The following CFL2 variants were observed in gnomAD, a reference collection of about 807,000 sequenced individuals.
The protein encoded by CFL2 is cofilin 2.
In CFL2, 10 loss-of-function variants were observed where a neutral mutation model predicts 19.6. That is an observed-to-expected ratio of 0.51 (90% CI 0.31 to 0.86). CFL2 has a LOEUF of 0.86. CFL2 is among the 40% of genes least tolerant of loss of function. The probability of loss-of-function intolerance (pLI) is 0.04; values close to 1 mark genes in which losing one functional copy is unlikely to be tolerated. For missense variants in CFL2, 125 were observed against 192.1 expected, an observed-to-expected ratio of 0.65 and a Z score of 2.06; for synonymous variants, 63 against 66.7, an observed-to-expected ratio of 0.95 and a Z score of 0.27.
Position 34,709,593 on chromosome 14 carries a change from G to T in CFL2, c.*3272C>A, listed in dbSNP as rs1166420569. 1 of 145,582 alleles carries T rather than the reference G, an allele frequency of 6.9e-6. No homozygotes were observed. Among genetic ancestry groups the T allele is most frequent in the Non-Finnish European group, 1.5e-5 (1 of 67,032 alleles). 9.0% of individuals were successfully genotyped at this position (145,582 alleles called of 1,614,324 possible). A position where few individuals can be genotyped will look rare whatever the true frequency, so the allele number is the denominator to read the frequency against. On this transcript the variant is annotated 3_prime_UTR_variant, in exon 4 of 4. Coordinates refer to ENST00000298159, the MANE Select transcript of CFL2 (RefSeq NM_138638.5). ...AGTTGGAGATCAGCCTAGGCAACAT[G>T]GCCAAACTCAGTCTCTACAAAAGAG...
At position 34,711,610 on chromosome 14, in the gene CFL2, A is replaced by AT. The variant is rs1254771211; in HGVS notation, c.*1254dup. The AT allele has an allele frequency of 2.2e-6, 1 of 453,142 alleles. No homozygotes were observed. Among genetic ancestry groups the AT allele is most frequent in the Admixed American group, 2.4e-5 (1 of 42,328 alleles). 28.1% of individuals were successfully genotyped at this position (453,142 alleles called of 1,614,324 possible). A position where few individuals can be genotyped will look rare whatever the true frequency, so the allele number is the denominator to read the frequency against. On this transcript the variant is annotated 3_prime_UTR_variant, in exon 4 of 4. Transcript: ENST00000298159. Reference sequence around the variant, plus strand: ...TATTTTCATTACGACCAAATAAGCAATAAGAGCTTCCTGCTTCTACTATAC... The same window carrying AT: ...TATTTTCATTACGACCAAATAAGCAATTAAGAGCTTCCTGCTTCTACTATAC...
At position 34,713,367 on chromosome 14, in the gene CFL2, G is replaced by A. The variant is rs75685384; in HGVS notation, c.198C>T (p.Asp66=). The change falls in exon 2 of 4, where the codon GAC becomes GAT. Residue 66 remains aspartate (D), a synonymous_variant. Transcript: ENST00000298159. Reference sequence around the variant, plus strand: ...GCAACTTCACAAAAGATGTGTAGGGGTCCTCTACAGTATCACCAATGTCAC... The same window carrying A: ...GCAACTTCACAAAAGATGTGTAGGGATCCTCTACAGTATCACCAATGTCAC... The part of the protein sequence containing the change: ...LVGDIGDTVE[D]PYTSFVKLLP... 1.0e-4 allele frequency: 162 copies of A among 1,613,830 alleles called. 1 individual carries two copies. In the East Asian group the frequency reaches 3.5e-3, roughly 34 times the overall value.
At chr14:34,713,183 AAG>A in intron 2 of CFL2, 47 bp from the exon 3 acceptor site, 1 of 1,566,798 alleles carries the variant, frequency 6.4e-7, no homozygotes. Flanking sequence ...AAGAAAAACA[AAG>A]GTAAGACTGA....
chr14:34,710,429 C>A lies in CFL2; in HGVS notation c.*2436G>T. 2.5e-6 allele frequency: 1 copy of A among 394,706 alleles called. No individual in the cohort carries two copies. The allele number at this position is 394,706 out of a possible 1,614,324, so 24.5% of individuals were successfully genotyped here. ...TAATGTTCTGAAGTATAAGTAAACA[C>A]ATCTCAACAGCTTTACATATTTTCA... On this transcript the variant is annotated 3_prime_UTR_variant, in exon 4 of 4. Coordinates refer to ENST00000298159, the MANE Select transcript of CFL2 (RefSeq NM_138638.5).
At position 34,713,062 on chromosome 14, in the gene CFL2, G is replaced by A; in HGVS notation, c.386C>T (p.Thr129Ile). ...GCCCCAAATATTCAAGTTTGTACCTGTAAATTTCTTTTTAATGGCATCTTT... is the reference window on the plus strand; with the variant it reads ...GCCCCAAATATTCAAGTTTGTACCTATAAATTTCTTTTTAATGGCATCTTT... ...SSKDAIKKKF[T>I]GIKHEWQVNG... is the part of the protein sequence containing the mutation. The change falls in exon 3 of 4, where the codon ACA becomes ATA. Residue 129 changes from threonine to isoleucine, a missense_variant and splice_region_variant. Thr to Ile is a moderately conservative substitution (Grantham distance 89, BLOSUM62 -1). Transcript: ENST00000298159. The A allele has an allele frequency of 6.3e-7, 1 of 1,580,542 alleles. No homozygotes were observed. The highest frequency in any genetic ancestry group is 8.6e-7 in the Non-Finnish European group (1 of 1,162,672).
chr14:34,713,290 T>C lies in CFL2; in HGVS notation c.275A>G (p.Lys92Arg), dbSNP rs1885378630. 1 of 1,613,328 alleles carries C rather than the reference T, an allele frequency of 6.2e-7. No individual in the cohort carries two copies. The highest frequency in any genetic ancestry group is 8.5e-7 in the Non-Finnish European group (1 of 1,179,812). The change falls in exon 2 of 4, where the codon AAA becomes AGA. Residue 92 changes from lysine to arginine, a missense_variant. Physicochemically the swap from Lys to Arg is conservative, Grantham distance 26. Transcript: ENST00000298159. ...YALYDATYET[K>R]ESKKEDLVFI... ...TACTAGGTCTTCTTTCTTAGACTCT[T>C]TTGTTTCGTATGTGGCATCGTACAA... is the stretch of plus-strand genomic sequence containing the variant.
rs946505251 is a variant in CFL2, at chr14:34,711,273, A to T, written c.*1592T>A. The stretch of plus-strand genomic sequence containing the variant: ...TCTGAGCCACGACTGACTGCTTACT[A>T]GCATGCCTGTTTTGCATACCAGTAG... On this transcript the variant is annotated 3_prime_UTR_variant, in exon 4 of 4. Coordinates refer to ENST00000298159, the MANE Select transcript of CFL2 (RefSeq NM_138638.5). 1 of 454,412 alleles carries T rather than the reference A, an allele frequency of 2.2e-6. No individual in the cohort carries two copies. Among genetic ancestry groups the T allele is most frequent in the Admixed American group, 2.4e-5 (1 of 42,542 alleles). The allele number at this position is 454,412 out of a possible 1,614,324, so 28.1% of individuals were successfully genotyped here. A position where few individuals can be genotyped will look rare whatever the true frequency, so the allele number is the denominator to read the frequency against.
intron 1 of CFL2, 158 bp from the exon 2 acceptor site, chr14:34,713,719 G>A: frequency 1.2e-6 from 2 of 1,612,354 alleles, no homozygotes; most frequent in Non-Finnish European, 1.7e-6. Context: ...AGAATCAGTA[G>A]ACGATACAGC....
In CFL2 at chr14:34,709,787, C is replaced by CAA. The variant is rs71453649; in HGVS notation, c.*3076_*3077dup. ...TGGGCAACAGAGTGAGACCCTGTCT[C>CAA]AAAAAAAAAAAAAAAAAAAGGCAAC... is the stretch of plus-strand genomic sequence containing the variant. On this transcript the variant is annotated 3_prime_UTR_variant, in exon 4 of 4. Coordinates refer to ENST00000298159, the MANE Select transcript of CFL2 (RefSeq NM_138638.5). 15 of 69,518 alleles carry CAA rather than the reference C, an allele frequency of 2.2e-4. 1 individual carries two copies. The highest frequency in any genetic ancestry group is 7.7e-4 in the East Asian group (2 of 2,586). The allele number at this position is 69,518 out of a possible 1,614,324, so 4.3% of individuals were successfully genotyped here. A position where few individuals can be genotyped will look rare whatever the true frequency, so the allele number is the denominator to read the frequency against.
rs1594784357 is a variant in CFL2, at chr14:34,712,948, A to G, written c.418T>C (p.Leu140=). Residue 140 remains leucine (L), a synonymous_variant, in exon 4 of 4, where the codon TTG becomes CTG. Transcript: ENST00000298159. ...GIKHEWQVNG[L]DDIKDRSTLG... is the part of the protein sequence containing the mutation. ...GTCGAACGGTCCTTAATATCATCCA[A>G]GCCATTTACTTGCCACTCATGTTTA... is the stretch of plus-strand genomic sequence containing the variant. 6.2e-7 allele frequency: 1 copy of G among 1,610,974 alleles called. No individual in the cohort carries two copies. The highest frequency in any genetic ancestry group is 8.5e-7 in the Non-Finnish European group (1 of 1,177,112).
Position 34,709,787 on chromosome 14 carries a change from CAAAAAAAA to C in CFL2, c.*3070_*3077del. The C allele has an allele frequency of 1.5e-5, 1 of 66,384 alleles. No individual in the cohort carries two copies. Among genetic ancestry groups the C allele is most frequent in the Non-Finnish European group, 2.7e-5 (1 of 37,624 alleles). 4.1% of individuals were successfully genotyped at this position (66,384 alleles called of 1,614,324 possible). A position where few individuals can be genotyped will look rare whatever the true frequency, so the allele number is the denominator to read the frequency against. ...TGGGCAACAGAGTGAGACCCTGTCTCAAAAAAAAAAAAAAAAAAAGGCAACATTTACTG... is the reference window on the plus strand; with the variant it reads ...TGGGCAACAGAGTGAGACCCTGTCTCAAAAAAAAAAAGGCAACATTTACTG... On this transcript the variant is annotated 3_prime_UTR_variant, in exon 4 of 4. Coordinates refer to ENST00000298159, the MANE Select transcript of CFL2 (RefSeq NM_138638.5).
rs747686516 is a variant in CFL2, at chr14:34,713,055, T to C, written c.388+5A>G. 6.3e-7 allele frequency: 1 copy of C among 1,577,652 alleles called. No homozygotes were observed. The highest frequency in any genetic ancestry group is 8.6e-7 in the Non-Finnish European group (1 of 1,160,294). On this transcript the variant is annotated splice_donor_5th_base_variant and intron_variant, in intron 3 of 3. Coordinates refer to ENST00000298159, the MANE Select transcript of CFL2 (RefSeq NM_138638.5). ...TTTCTCTGCCCCAAATATTCAAGTT[T>C]GTACCTGTAAATTTCTTTTTAATGG... is the stretch of plus-strand genomic sequence containing the variant.
Position 34,712,058 on chromosome 14 carries a change from T to C in CFL2, c.*807A>G, listed in dbSNP as rs916522992. ...TGCAACGTGGCCATTTTTGTGAGGGTGGGGAGTTTGATCTCAAAACAATGT... is the reference window on the plus strand; with the variant it reads ...TGCAACGTGGCCATTTTTGTGAGGGCGGGGAGTTTGATCTCAAAACAATGT... On this transcript the variant is annotated 3_prime_UTR_variant, in exon 4 of 4. Transcript: ENST00000298159. 4.4e-6 allele frequency: 2 copies of C among 454,462 alleles called. No homozygotes were observed. The highest frequency in any genetic ancestry group is 8.8e-6 in the Non-Finnish European group (2 of 226,748). The allele number at this position is 454,462 out of a possible 1,614,324, so 28.2% of individuals were successfully genotyped here. A position where few individuals can be genotyped will look rare whatever the true frequency, so the allele number is the denominator to read the frequency against.
Position 34,710,656 on chromosome 14 carries a change from T to A in CFL2, c.*2209A>T, listed in dbSNP as rs1236116432. 3 of 442,500 alleles carry A rather than the reference T, an allele frequency of 6.8e-6. No homozygotes were observed. The highest frequency in any genetic ancestry group is 5.0e-5 in the Admixed American group (2 of 39,718). 27.4% of individuals were successfully genotyped at this position (442,500 alleles called of 1,614,324 possible). ...GAACTATTATTAATTTTATCTCTTT[T>A]TTTGGCTCTACGCACAAAGATGTAT... On this transcript the variant is annotated 3_prime_UTR_variant, in exon 4 of 4. Transcript: ENST00000298159.
At chr14:34,714,477 G>T in intron 1 of CFL2, 61 bp downstream of exon 1, 1 of 1,532,378 alleles carries the variant, frequency 6.5e-7, no homozygotes, top group East Asian at 2.6e-5. Context: ...CTCACTCCCG[G>T]GGCCGTGCGG....
intron 1 of CFL2, chr14:34,714,080 A>C (rs1885412435): frequency 2.6e-6 from 1 of 385,626 alleles, no homozygotes; most frequent in Admixed American, 4.2e-5. Flanking sequence ...CGAGTGTAAA[A>C]GCTTTTACGG....
At chr14:34,714,490 G>C in intron 1 of CFL2, 48 bp downstream of exon 1, 1 of 1,549,856 alleles carries the variant, frequency 6.5e-7, no homozygotes, top group South Asian at 1.2e-5. Context: ...CCGTGCGGGG[G>C]GCTTTTCTCG....
At chr14:34,713,671 T>G in intron 1 of CFL2, 110 bp from the exon 2 acceptor site, 1 of 1,613,390 alleles carries the variant, frequency 6.2e-7, no homozygotes, top group Non-Finnish European at 8.5e-7. Context: ...AATTGCACCG[T>G]ACCATGTAAG....
Position 34,709,113 on chromosome 14 carries a change from T to C in CFL2, c.*3752A>G, listed in dbSNP as rs1034410441. 7.9e-5 allele frequency: 12 copies of C among 152,018 alleles called. No individual in the cohort carries two copies. Among genetic ancestry groups the C allele is most frequent in the Non-Finnish European group, 1.5e-4 (10 of 68,012 alleles). 9.4% of individuals were successfully genotyped at this position (152,018 alleles called of 1,614,324 possible). On this transcript the variant is annotated 3_prime_UTR_variant, in exon 4 of 4. Coordinates refer to ENST00000298159, the MANE Select transcript of CFL2 (RefSeq NM_138638.5). ...AAAATAGAGGTTCAATGATCTGTAA[T>C]ACATCTTTTAACAAAAACATTTAAT...
Sources: gnomAD v4.1 joint callset for allele counts on GRCh38, gnomAD v4.1.1 for gene constraint, MANE v1.5 for transcripts, NCBI Gene and HGNC (gene_info 2026-07-23, HGNC 2026-07-21) for gene names.